ZNF423: variants seen among roughly 807,000 people sequenced by gnomAD.
The protein encoded by ZNF423 is zinc finger protein 423.
In ZNF423, 12 loss-of-function variants were observed where a neutral mutation model predicts 95.8. That is an observed-to-expected ratio of 0.13 (90% CI 0.08 to 0.20). The LOEUF (loss-of-function observed/expected upper bound fraction) is 0.20. ZNF423 is among the 10% of genes least tolerant of loss of function. The pLI is 1.00. For synonymous variants in ZNF423, 749 were observed against 711.9 expected (o/e 1.05, Z -0.83); for missense variants, 1,316 against 1,737.1 (o/e 0.76, Z 4.31).
intron 3 of ZNF423, among the ~76,000 whole-genome samples, chr16:49,649,678 G>GAGAC (rs1239365567): frequency 3.9e-5 from 6 of 151,900 alleles, no homozygotes; most frequent in Non-Finnish European, 8.8e-5. Flanking sequence ...CAGGGAGAGA[G>GAGAC]AGAGAGAGAG....
intron 1 of ZNF423, among the ~76,000 whole-genome samples, chr16:49,815,870 CAAAAAA>C (rs1168729871): frequency 1.5e-4 from 6 of 39,524 alleles, no homozygotes; most frequent in East Asian, 7.1e-4. Context: ...TCCAAACAAA[CAAAAAA>C]AAAAAATATA....
At chr16:49,854,583 A>T (rs1039828060) in intron 1 of ZNF423, 2 of 985,300 alleles carry the variant, frequency 2.0e-6, no homozygotes, top group African/African-American at 3.5e-5. Flanking sequence ...AGCCGCTCTC[A>T]TCGTTCCCCC....
At chr16:49,598,308 C>T (rs778301123) in intron 5 of ZNF423, among the ~76,000 whole-genome samples, 3 of 152,250 alleles carry the variant, frequency 2.0e-5, no homozygotes, top group Non-Finnish European at 2.9e-5. Flanking sequence ...GGAACAATAA[C>T]TCCTACTTTA....
intron 7 of ZNF423, among the ~76,000 whole-genome samples, chr16:49,494,739 C>T (rs1009660078): frequency 1.3e-5 from 2 of 152,156 alleles, no homozygotes; most frequent in Admixed American, 6.5e-5. Flanking sequence ...ACTTACCAGT[C>T]GCCCAACACC....
intron 3 of ZNF423, among the ~76,000 whole-genome samples, chr16:49,652,551 C>A (rs757273756): frequency 6.6e-6 from 1 of 152,188 alleles, no homozygotes. Context: ...GGACCTCCTG[C>A]GCACCCTGAC....
chr16:49,711,307 C>G (rs1383668228), intron 3 of ZNF423: 1 of 152,152 alleles, frequency 6.6e-6, no homozygotes, highest in East Asian at 1.9e-4. Context: ...AAATACCCCC[C>G]ACCAGGGGCC....
chr16:49,807,369 T>G (rs2034681277), intron 1 of ZNF423, among the ~76,000 whole-genome samples: 1 of 151,684 alleles, frequency 6.6e-6, no homozygotes, highest in Non-Finnish European at 1.5e-5. Flanking sequence ...AGGCAGAGCT[T>G]GCAGTGAGTG....
At chr16:49,702,907 A>ACG (rs1417320433) in intron 3 of ZNF423, among the ~76,000 whole-genome samples, 23 of 105,804 alleles carry the variant, frequency 2.2e-4, no homozygotes, top group African/African-American at 6.0e-4. Flanking sequence ...CTGTGTGCAC[A>ACG]CGCACACACA....
At chr16:49,736,466 C>A (rs1201947261) in intron 2 of ZNF423, among the ~76,000 whole-genome samples, 1 of 152,136 alleles carries the variant, frequency 6.6e-6, no homozygotes, top group African/African-American at 2.4e-5. Flanking sequence ...CAAAGAGAGG[C>A]AATAACAAAA....
chr16:49,758,192 G>T (rs2033763720), intron 2 of ZNF423, among the ~76,000 whole-genome samples: 1 of 152,216 alleles, frequency 6.6e-6, no homozygotes, highest in Admixed American at 6.5e-5. Context: ...AGGCTGGAGT[G>T]CAGTGGCATG....
At chr16:49,856,749 C>G (rs1412046161), upstream of ZNF423, among the ~76,000 whole-genome samples, 1 of 147,016 alleles carries the variant, frequency 6.8e-6, no homozygotes, top group African/African-American at 2.5e-5. Context: ...TCGCTCAGCC[C>G]GTGCGCCGGG....
At chr16:49,771,869 C>T (rs745333524) in intron 2 of ZNF423, among the ~76,000 whole-genome samples, 1 of 152,156 alleles carries the variant, frequency 6.6e-6, no homozygotes, top group Non-Finnish European at 1.5e-5. Flanking sequence ...CCCACATACC[C>T]TCACCAGGGT....
chr16:49,506,991 C>G (rs12931260), intron 7 of ZNF423, among the ~76,000 whole-genome samples: 62,898 of 151,454 alleles, frequency 0.42, 13,538 homozygotes, highest in African/African-American at 0.54. Context: ...GAATAAATAA[C>G]TGGGTAGGAC....
intron 3 of ZNF423, among the ~76,000 whole-genome samples, chr16:49,696,994 G>C (rs553032274): frequency 1.3e-5 from 2 of 152,322 alleles, no homozygotes; most frequent in African/African-American, 4.8e-5. Flanking sequence ...AGGAGACAAA[G>C]CTCACAGGGA....
chr16:49,717,302 G>T (rs1417109699), intron 3 of ZNF423, among the ~76,000 whole-genome samples: 3 of 150,486 alleles, frequency 2.0e-5, no homozygotes, highest in African/African-American at 7.5e-5. Context: ...ACCATCATAG[G>T]AACAGGCCCC....
chr16:49,810,415 C>T (rs1355473112), intron 1 of ZNF423, among the ~76,000 whole-genome samples: 1 of 152,186 alleles, frequency 6.6e-6, no homozygotes, highest in South Asian at 2.1e-4. Flanking sequence ...CCCACCAGAC[C>T]TCTGCTATCC....
At chr16:49,857,765 C>A (rs938622240), upstream of ZNF423, 2 of 152,278 alleles carry the variant, frequency 1.3e-5, no homozygotes, top group Non-Finnish European at 2.9e-5. The surrounding 1 kb of genome is among the most constrained non-coding windows in gnomAD (Gnocchi z 6.2). Context: ...AGGAGCACCC[C>A]CTCCCCGCGC....
chr16:49,645,297 A>G (rs1362541494), intron 3 of ZNF423, among the ~76,000 whole-genome samples: 2 of 152,132 alleles, frequency 1.3e-5, no homozygotes, highest in Non-Finnish European at 2.9e-5. Flanking sequence ...CAACTACCCA[A>G]TCCCACATGA....
At chr16:49,558,455 C>T (rs955088666) in intron 5 of ZNF423, among the ~76,000 whole-genome samples, 2 of 152,188 alleles carry the variant, frequency 1.3e-5, no homozygotes, top group African/African-American at 4.8e-5. Flanking sequence ...GGTCACTTCC[C>T]AACTTGAAAG....
Sources: allele counts gnomAD v4.1 joint callset (sites outside exome capture counted in the v4.1 genomes callset), GRCh38; gene constraint gnomAD v4.1.1; non-coding constraint Gnocchi (gnomAD v3.1); transcripts MANE v1.5; gene names NCBI Gene and HGNC (gene_info 2026-07-23, HGNC 2026-07-21).